The following SNRPN variants were observed in gnomAD, a reference collection of about 807,000 sequenced individuals.
SNRPN encodes the protein small nuclear ribonucleoprotein polypeptide N, also known as small nuclear ribonucleoprotein-associated protein N.
A neutral mutation model predicts 25.2 loss-of-function variants in SNRPN; 7 were observed. The observed-to-expected ratio is 0.28, with a 90% CI of 0.16 to 0.52. SNRPN has a LOEUF of 0.52. Ranked by LOEUF, SNRPN falls within the 20% of genes least tolerant of loss-of-function variation. SNRPN has a pLI of 0.96. For synonymous variants in SNRPN, 124 were observed against 110.6 expected (o/e 1.12, Z -0.76); for missense variants, 196 against 322.5 (o/e 0.61, Z 3.00).
intron 1 of SNRPN, among the ~76,000 whole-genome samples, chr15:24,860,568 G>A (rs934709726): frequency 6.6e-6 from 1 of 152,146 alleles, no homozygotes; most frequent in Non-Finnish European, 1.5e-5. Context: ...AGTCGAAAAT[G>A]CATTGAATAT....
chr15:24,848,632 G>A (rs2052492493), intron 2 of SNRPN: 1 of 151,678 alleles, frequency 6.6e-6, no homozygotes, highest in Non-Finnish European at 1.5e-5. Context: ...GTCTTTTTTG[G>A]CATTTGTCTG....
rs775190561 is a variant in SNRPN at position 24,977,827 on chromosome 15, C to T, written c.470C>T (p.Ala157Val). 8.1e-6 allele frequency: 13 copies of T among 1,612,938 alleles called. No homozygotes were observed. Among genetic ancestry groups the T allele is most frequent in the Middle Eastern group, 1.6e-4 (1 of 6,078 alleles). ...RGTVAAAAVAATASIAGAPTQ... is the reference protein window; with the variant it reads ...RGTVAAAAVAVTASIAGAPTQ... ...ACTGTAGCAGCTGCTGCTGTTGCTG[C>T]GACTGCCAGTATTGCTGGAGCCCCA... The change falls in exon 8 of 10, where the codon GCG (alanine) becomes GTG (valine). Residue 157 changes from alanine (A) to valine (V), a missense_variant. Physicochemically the swap from Ala to Val is moderately conservative, Grantham distance 64. Transcript: ENST00000390687.
intron 2 of SNRPN, among the ~76,000 whole-genome samples, chr15:24,904,982 A>G (rs868529245): frequency 1.7e-4 from 25 of 148,856 alleles, no homozygotes; most frequent in Middle Eastern, 7.3e-3. Context: ...GCGTGGTGGC[A>G]TGTGCCTGTA....
intron 3 of SNRPN, among the ~76,000 whole-genome samples, chr15:24,932,642 G>A (rs2060949499): frequency 7.1e-6 from 1 of 140,564 alleles, no homozygotes; most frequent in Non-Finnish European, 1.6e-5. Context: ...CATTGAGTCT[G>A]TAAATGTTTT....
chr15:24,929,950 G>A lies in SNRPN; in HGVS notation c.-391+9826G>A, dbSNP rs2060689150. 6.6e-6 allele frequency among the ~76,000 whole-genome samples: 1 copy of A among 152,002 alleles called. No homozygotes were observed. On this transcript the variant is annotated intron_variant, in intron 3 of 11. Transcript: ENST00000400097. The surrounding 1 kb of genome is among the most constrained non-coding windows in gnomAD (Gnocchi z 5.3). The stretch of plus-strand genomic sequence containing the variant: ...CACCTATAATCCCAGCACTTTGGGA[G>A]GCCAAGGCGGGTGGATCACGAGGTC...
chr15:24,952,008 T>G (rs146096871), upstream of SNRPN, among the ~76,000 whole-genome samples: 108 of 152,314 alleles, frequency 7.1e-4, 1 homozygote, highest in African/African-American at 2.4e-3. Flanking sequence ...TCTAAGAAAC[T>G]GTTGCCTAAT....
intron 1 of SNRPN, among the ~76,000 whole-genome samples, chr15:24,827,212 G>A (rs2050158741): frequency 6.6e-6 from 1 of 151,974 alleles, no homozygotes; most frequent in African/African-American, 2.4e-5. Context: ...CACTACTGTA[G>A]ATTTAAGAAA....
chr15:24,957,073 A>C (rs2063053036), intron 1 of SNRPN, among the ~76,000 whole-genome samples: 1 of 152,026 alleles, frequency 6.6e-6, no homozygotes, highest in Non-Finnish European at 1.5e-5. Context: ...TTCAAACTGG[A>C]CTTGTTAACC....
rs1566921436 is a variant in SNRPN, at chr15:24,927,475, A to ATTTTTT, written c.-391+7351_-391+7352insTTTTTT. ...TTTCCCACTGCTTATAAAGTTTTTA[A>ATTTTTT]ATTTTTTTTTTTTTTTTTTTTTTTT... On this transcript the variant is annotated intron_variant, in intron 3 of 11. Transcript: ENST00000400097. Among the ~76,000 whole-genome samples, 825 of 113,226 alleles carry ATTTTTT rather than the reference A, an allele frequency of 7.3e-3. 158 individuals are homozygous for ATTTTTT. Among genetic ancestry groups the ATTTTTT allele is most frequent in the East Asian group, 0.013 (42 of 3,268 alleles). The allele number at this position is 113,226 out of a possible 152,430, so 74.3% of individuals were successfully genotyped here.
intron 2 of SNRPN, among the ~76,000 whole-genome samples, chr15:24,966,178 G>A (rs1038479804): frequency 6.6e-6 from 1 of 152,182 alleles, no homozygotes; most frequent in African/African-American, 2.4e-5. Flanking sequence ...CCACACTTCC[G>A]ACCAACAGTC....
At chr15:24,832,249 A>G (rs1009624994) in intron 2 of SNRPN, among the ~76,000 whole-genome samples, 1 of 151,880 alleles carries the variant, frequency 6.6e-6, no homozygotes, top group Non-Finnish European at 1.5e-5. Flanking sequence ...GTATGTCTTC[A>G]TATTTATACA....
At position 24,976,426 on chromosome 15, in the gene SNRPN, A is replaced by G. The variant is rs779985371; in HGVS notation, c.267+10A>G. The G allele has an allele frequency of 6.4e-7, 1 of 1,561,846 alleles. No individual in the cohort carries two copies. The highest frequency in any genetic ancestry group is 8.8e-7 in the Non-Finnish European group (1 of 1,134,964). ...GCCACCCCCCAAAGATGTAAGGAAG[A>G]TGTAGGGCAGGACAGAACTTTAATT... On this transcript the variant is annotated intron_variant, in intron 6 of 9. Coordinates refer to ENST00000390687, the MANE Select transcript of SNRPN (RefSeq NM_003097.6).
chr15:24,944,254 C>T (rs2061743535), intron 3 of SNRPN, among the ~76,000 whole-genome samples: 1 of 152,172 alleles, frequency 6.6e-6, no homozygotes, highest in African/African-American at 2.4e-5. Flanking sequence ...ATTAATGTAG[C>T]ACATGAGCTG....
chr15:24,974,783 T>C, intron 4 of SNRPN: 1 of 627,830 alleles, frequency 1.6e-6, no homozygotes, highest in East Asian at 2.7e-5. Flanking sequence ...GGTCTCAGGC[T>C]CCTGACCTCT....
At chr15:24,847,985 C>A (rs985180665) in intron 2 of SNRPN, among the ~76,000 whole-genome samples, 2 of 151,912 alleles carry the variant, frequency 1.3e-5, no homozygotes, top group African/African-American at 4.8e-5. Context: ...TAGACTAAAG[C>A]CTTGATGGGT....
At chr15:24,952,862 G>T (rs553654929), upstream of SNRPN, among the ~76,000 whole-genome samples, 5 of 152,100 alleles carry the variant, frequency 3.3e-5, no homozygotes, top group East Asian at 9.6e-4. Context: ...AAAGAAACAT[G>T]ATTATAATGT....
chr15:24,966,893 A>G (rs996920369), intron 2 of SNRPN: 1 of 152,056 alleles, frequency 6.6e-6, no homozygotes, highest in African/African-American at 2.4e-5. Flanking sequence ...CCTTCTCATC[A>G]TCAGATTTCA....
At chr15:24,853,229 C>T (rs12441693), upstream of SNRPN, among the ~76,000 whole-genome samples, 40,597 of 152,024 alleles carry the variant, frequency 0.27, 6,410 homozygotes, top group Non-Finnish European at 0.36. Flanking sequence ...ATGCTTTATT[C>T]ACATGTCCTT....
In SNRPN at chr15:24,877,681, CACACACACACACACAA is replaced by C. The variant is rs1401393767; in HGVS notation, c.-578-8828_-578-8813del. On this transcript the variant is annotated intron_variant, in intron 1 of 11. Coordinates refer to the SNRPN transcript ENST00000400097. ...TACAAAACACACACACACACACACA[CACACACACACACACAA>C]ACACACTAGCCGGGCGCAGTGGCGC... is the stretch of plus-strand genomic sequence containing the variant. Among the ~76,000 whole-genome samples the C allele has an allele frequency of 2.7e-5, 4 of 149,404 alleles. No individual in the cohort carries two copies. In the South Asian group the frequency reaches 6.4e-4, roughly 24 times the overall value.
Sources: gnomAD v4.1 joint callset for allele counts (sites outside exome capture counted in the v4.1 genomes callset) on GRCh38, gnomAD v4.1.1 for gene constraint, Gnocchi (gnomAD v3.1) non-coding constraint, MANE v1.5 for transcripts, NCBI Gene and HGNC (gene_info 2026-07-23, HGNC 2026-07-21) for gene names.